TENM1: variants seen among roughly 807,000 people sequenced by gnomAD.
TENM1 encodes teneurin-1.
In TENM1, 35 loss-of-function variants were observed where a neutral mutation model predicts 174.8. That is an observed-to-expected ratio of 0.20 (90% confidence interval 0.15 to 0.27). The LOEUF (loss-of-function observed/expected upper bound fraction) is 0.27, where lower values mean the gene tolerates loss of function less well. Ranked by LOEUF, TENM1 falls within the 10% of genes least tolerant of loss-of-function variation. The pLI is 1.00. For missense variants in TENM1, 1,633 were observed against 2,130.1 expected, an observed-to-expected ratio of 0.77 and a Z score of 4.59; for synonymous variants, 781 against 798.7, an observed-to-expected ratio of 0.98 and a Z score of 0.37.
At chrX:124,481,866 G>A in exon 22 of TENM1, 1 of 1,205,661 alleles carries the variant, frequency 8.3e-7, no homozygotes, top group Non-Finnish European at 1.1e-6. Context: ...CTCCACAAGA[G>A]ATTTCAACTT....
At chrX:124,542,889 C>T (rs917664219) in intron 15 of TENM1, among the ~76,000 whole-genome samples, 4 of 112,097 alleles carry the variant, frequency 3.6e-5, no homozygotes, top group Non-Finnish European at 3.8e-5. Context: ...GTTCAGTCAT[C>T]TTTTTCCTCT....
the TENM1 span, among the ~76,000 whole-genome samples, chrX:125,174,547 A>G: frequency 9.0e-6 from 1 of 111,573 alleles, no homozygotes; most frequent in Admixed American, 9.5e-5. Flanking sequence ...GATTCACTAT[A>G]TTGTGGCCCT....
At chrX:124,977,973 A>T in the TENM1 span, among the ~76,000 whole-genome samples, 4,182 of 29,863 alleles carry the variant, frequency 0.14, 153 homozygotes, top group Non-Finnish European at 0.17. Flanking sequence ...TGTGTGAGAG[A>T]GAGAGAGAGA....
exon 30 of TENM1, chrX:124,384,477 T>A: frequency 8.3e-7 from 1 of 1,210,262 alleles, no homozygotes; most frequent in Non-Finnish European, 1.1e-6. Context: ...CTTGTTATAT[T>A]GGCATCTACT....
the TENM1 span, among the ~76,000 whole-genome samples, chrX:125,117,603 T>C: frequency 1.8e-5 from 2 of 110,844 alleles, no homozygotes; most frequent in Admixed American, 1.9e-4. Context: ...GTAATGCAGA[T>C]GACAGGTTGA....
At chrX:125,007,900 A>T in the TENM1 span, among the ~76,000 whole-genome samples, 4 of 111,980 alleles carry the variant, frequency 3.6e-5, no homozygotes, top group Non-Finnish European at 7.5e-5. Context: ...ACAGAAAGGA[A>T]AAACCAGTAC....
At chrX:124,828,405 T>G (rs1229521741) in intron 3 of TENM1, among the ~76,000 whole-genome samples, 1 of 112,552 alleles carries the variant, frequency 8.9e-6, no homozygotes, top group African/African-American at 3.2e-5. Flanking sequence ...TTATATTGTT[T>G]TAGCCACAAC....
chrX:124,831,828 C>T (rs941137848), intron 3 of TENM1, among the ~76,000 whole-genome samples: 3 of 111,334 alleles, frequency 2.7e-5, no homozygotes, highest in Non-Finnish European at 5.7e-5. Flanking sequence ...CATGGTATGG[C>T]AGCAGTCAAT....
intron 21 of TENM1, among the ~76,000 whole-genome samples, chrX:124,484,593 A>G (rs778280831): frequency 9.0e-6 from 1 of 111,681 alleles, no homozygotes; most frequent in Non-Finnish European, 1.9e-5. Flanking sequence ...TTGTTGCTCA[A>G]GTTCTTCCAG....
At chrX:124,791,711 AT>A (rs2055184163) in intron 3 of TENM1, among the ~76,000 whole-genome samples, 1 of 111,853 alleles carries the variant, frequency 8.9e-6, no homozygotes, top group Non-Finnish European at 1.9e-5. Flanking sequence ...ACTTCACAGA[AT>A]TTCACTATTC....
chrX:124,782,180 T>A (rs1039468590), intron 3 of TENM1, among the ~76,000 whole-genome samples: 7 of 111,653 alleles, frequency 6.3e-5, no homozygotes, highest in African/African-American at 2.3e-4. Flanking sequence ...AGCCTACTAA[T>A]CAGGAATTCT....
At chrX:125,176,677 T>C in the TENM1 span, among the ~76,000 whole-genome samples, 10 of 111,756 alleles carry the variant, frequency 8.9e-5, no homozygotes, top group Non-Finnish European at 1.9e-4. Flanking sequence ...TTTATCTTTC[T>C]AATAAATATT....
chrX:124,620,869 C>A (rs2050500881), intron 11 of TENM1, among the ~76,000 whole-genome samples: 1 of 112,139 alleles, frequency 8.9e-6, no homozygotes, highest in South Asian at 3.7e-4. Context: ...ATTAAGGCCA[C>A]AACCAAACAA....
At chrX:124,857,418 A>T (rs1381418085) in intron 3 of TENM1, among the ~76,000 whole-genome samples, 1 of 111,967 alleles carries the variant, frequency 8.9e-6, no homozygotes, top group African/African-American at 3.2e-5. Context: ...TGGCAATTAA[A>T]AGGAATTTAA....
the TENM1 span, among the ~76,000 whole-genome samples, chrX:125,117,010 C>CAAA: frequency 2.1e-5 from 1 of 47,302 alleles, no homozygotes; most frequent in African/African-American, 6.4e-5. Flanking sequence ...GACTCTGTCT[C>CAAA]AAAAAAAAAA....
the TENM1 span, among the ~76,000 whole-genome samples, chrX:125,023,554 A>G: frequency 0.02 from 2,236 of 109,971 alleles, 69 homozygotes; most frequent in African/African-American, 0.07. Flanking sequence ...ATGATGACAG[A>G]TGATGACATG....
At chrX:124,894,484 A>G in intron 2 of TENM1, 132 bp from the exon 6 acceptor site, 2 of 453,477 alleles carry the variant, frequency 4.4e-6, no homozygotes, top group Admixed American at 8.3e-5. Flanking sequence ...TCACATATGT[A>G]ATATTCATCC....
the TENM1 span, among the ~76,000 whole-genome samples, chrX:125,187,836 A>T: frequency 4.5e-5 from 5 of 111,681 alleles, no homozygotes; most frequent in Non-Finnish European, 9.4e-5. Flanking sequence ...TCACATAGAA[A>T]GATGTTCAAA....
chrX:124,445,285 A>G (rs1035012051), intron 23 of TENM1, among the ~76,000 whole-genome samples: 1 of 111,908 alleles, frequency 8.9e-6, no homozygotes, highest in African/African-American at 3.2e-5. Flanking sequence ...AGTCAGAGGT[A>G]TTCAAAGATG....
Sources: gnomAD v4.1 joint callset for allele counts (sites outside exome capture counted in the v4.1 genomes callset) on GRCh38, gnomAD v4.1.1 for gene constraint, MANE v1.5 for transcripts, NCBI Gene and HGNC (gene_info 2026-07-23, HGNC 2026-07-21) for gene names.